Variants in NEDD9 observed in about 807,000 individuals in gnomAD.
NEDD9 encodes the protein neural precursor cell expressed, developmentally down-regulated 9, also known as enhancer of filamentation 1.
In NEDD9, 26 loss-of-function variants were observed where a neutral mutation model predicts 76.6. The observed-to-expected ratio is 0.34, with a 90% CI of 0.25 to 0.47. The LOEUF (loss-of-function observed/expected upper bound fraction) is 0.47, where lower values mean the gene tolerates loss of function less well. Ranked by LOEUF, NEDD9 falls within the 20% of genes least tolerant of loss-of-function variation. NEDD9 has a pLI of 1.00. For synonymous variants in NEDD9, 392 were observed against 414.2 expected (o/e 0.95, Z 0.65); for missense variants, 937 against 1,058.5 (o/e 0.89, Z 1.59).
upstream of NEDD9, chr6:11,233,313 G>C (rs1318604540): frequency 1.9e-6 from 1 of 518,912 alleles, no homozygotes; most frequent in Non-Finnish European, 3.8e-6. Context: ...TCTAGCACAC[G>C]CACCAGCGTT....
At chr6:11,356,021 G>A (rs942286769) in intron 1 of NEDD9, among the ~76,000 whole-genome samples, 1 of 152,156 alleles carries the variant, frequency 6.6e-6, no homozygotes, top group African/African-American at 2.4e-5. Flanking sequence ...ATGCCCGGCC[G>A]AGAGCTCTAG....
At chr6:11,223,075 C>T (rs967076765) in intron 1 of NEDD9, among the ~76,000 whole-genome samples, 24 of 152,056 alleles carry the variant, frequency 1.6e-4, no homozygotes, top group Admixed American at 1.3e-4. Context: ...GGTAGAGTGG[C>T]CAGGGATGTT....
In NEDD9 at chr6:11,292,240, C is replaced by T. The variant is rs75007548; in HGVS notation, c.12+13752G>A. Among the ~76,000 whole-genome samples the T allele has an allele frequency of 4.4e-3, 674 of 152,262 alleles. 8 individuals carry two copies. The East Asian group carries it at 0.062, about 14-fold the overall frequency. On this transcript the variant is annotated intron_variant, in intron 3 of 3. Transcript: ENST00000397378. The stretch of plus-strand genomic sequence containing the variant: ...GAAGACACTGAAAAACCACATGACC[C>T]GGTGTTAAATCAAGAAAAGCGTCTG...
At chr6:11,227,711 C>G (rs1489663232) in intron 1 of NEDD9, among the ~76,000 whole-genome samples, 1 of 152,126 alleles carries the variant, frequency 6.6e-6, no homozygotes, top group Non-Finnish European at 1.5e-5. Flanking sequence ...CTAAACAGGC[C>G]CAGTAGGCAA....
intron 3 of NEDD9, among the ~76,000 whole-genome samples, chr6:11,256,540 G>C (rs1760008114): frequency 6.6e-6 from 1 of 152,242 alleles, no homozygotes; most frequent in South Asian, 2.1e-4. Context: ...ACCCAGGCTA[G>C]AGTGTGGACC....
rs1236143422 is a variant in NEDD9 at position 11,302,967 on chromosome 6, G to A, written c.12+3025C>T. ...TTGAAAACCGGCACAAGACAGGGAT[G>A]CCCTCTCTCACCACTCCTATTCAAC... is the stretch of plus-strand genomic sequence containing the variant. On this transcript the variant is annotated intron_variant, in intron 3 of 3. Coordinates refer to the NEDD9 transcript ENST00000397378. Among the ~76,000 whole-genome samples, 8 of 152,294 alleles carry A rather than the reference G, an allele frequency of 5.3e-5. No individual in the cohort carries two copies. In the South Asian group the frequency reaches 1.7e-3, roughly 32 times the overall value.
chr6:11,366,481 G>C (rs1762773802), intron 1 of NEDD9, among the ~76,000 whole-genome samples: 1 of 152,036 alleles, frequency 6.6e-6, no homozygotes, highest in Admixed American at 6.5e-5. Flanking sequence ...AAAGAAGAAA[G>C]AAAAGGGATT....
At chr6:11,278,789 A>T (rs1040351179) in intron 3 of NEDD9, among the ~76,000 whole-genome samples, 8 of 152,316 alleles carry the variant, frequency 5.3e-5, no homozygotes, top group Non-Finnish European at 1.0e-4. Context: ...AGATTTCAGC[A>T]TGCTGCCAAC....
intron 3 of NEDD9, chr6:11,248,925 T>C (rs996175928): frequency 2.6e-5 from 9 of 352,750 alleles, no homozygotes; most frequent in South Asian, 4.4e-5. Context: ...ATCTGATCAT[T>C]GAATAGTGAT....
chr6:11,279,950 G>A (rs1182014031), intron 3 of NEDD9, among the ~76,000 whole-genome samples: 1 of 152,124 alleles, frequency 6.6e-6, no homozygotes, highest in African/African-American at 2.4e-5. Context: ...GGTGGCTCCC[G>A]GGAAAGGTCT....
At chr6:11,323,212 G>A (rs1396191294) in intron 2 of NEDD9, among the ~76,000 whole-genome samples, 1 of 152,224 alleles carries the variant, frequency 6.6e-6, no homozygotes, top group Non-Finnish European at 1.5e-5. Flanking sequence ...TTTCAAGGCT[G>A]ATCTAACTCT....
intron 1 of NEDD9, among the ~76,000 whole-genome samples, chr6:11,231,322 T>C (rs923496872): frequency 6.6e-6 from 1 of 152,234 alleles, no homozygotes; most frequent in African/African-American, 2.4e-5. Context: ...ATAAAGACTT[T>C]TGACATTTAG....
chr6:11,278,311 A>G (rs893668602), intron 3 of NEDD9, among the ~76,000 whole-genome samples: 8 of 152,058 alleles, frequency 5.3e-5, no homozygotes, highest in African/African-American at 1.7e-4. Flanking sequence ...GAGTGTTGTG[A>G]CGTGCCAGAC....
chr6:11,236,052 T>TTTA (rs1759592834), upstream of NEDD9, among the ~76,000 whole-genome samples: 1 of 152,250 alleles, frequency 6.6e-6, no homozygotes, highest in Non-Finnish European at 1.5e-5. The surrounding 1 kb of genome is among the most constrained non-coding windows in gnomAD (Gnocchi z 5.5). Context: ...TCATTTAGTA[T>TTTA]GTTGCCCTTA....
chr6:11,200,549 T>C, intron 2 of NEDD9: 2 of 1,092,424 alleles, frequency 1.8e-6, no homozygotes, highest in South Asian at 5.0e-5. Flanking sequence ...TATGTCTTAG[T>C]AATCACAGAT....
In NEDD9 at chr6:11,250,834, T is replaced by C. The variant is rs1369598629; in HGVS notation, c.13-37107A>G. 3.3e-5 allele frequency among the ~76,000 whole-genome samples: 5 copies of C among 152,216 alleles called. No homozygotes were observed. In the East Asian group the frequency reaches 7.7e-4, roughly 23 times the overall value. ...TTAACAAGGTCCCAGGCTGAACCACTGATTAACAACATTAAAATGATTCTT... is the reference window on the plus strand; with the variant it reads ...TTAACAAGGTCCCAGGCTGAACCACCGATTAACAACATTAAAATGATTCTT... On this transcript the variant is annotated intron_variant, in intron 3 of 3. Transcript: ENST00000397378.
intron 1 of NEDD9, among the ~76,000 whole-genome samples, chr6:11,367,082 G>A (rs1163432642): frequency 5.8e-5 from 6 of 104,050 alleles, no homozygotes; most frequent in Non-Finnish European, 1.1e-4. Context: ...GAGGAGAACC[G>A]TATAAAGCTC....
chr6:11,273,032 G>A (rs777174817), intron 3 of NEDD9, among the ~76,000 whole-genome samples: 1 of 151,930 alleles, frequency 6.6e-6, no homozygotes, highest in Non-Finnish European at 1.5e-5. Context: ...GAATATATCC[G>A]TCACATAGCT....
At chr6:11,342,594 T>C (rs1400903185) in intron 1 of NEDD9, among the ~76,000 whole-genome samples, 1 of 152,170 alleles carries the variant, frequency 6.6e-6, no homozygotes, top group Non-Finnish European at 1.5e-5. Context: ...AAATTGAAGG[T>C]GAAATGAAGA....
Sources: allele counts gnomAD v4.1 joint callset (sites outside exome capture counted in the v4.1 genomes callset), GRCh38; gene constraint gnomAD v4.1.1; non-coding constraint Gnocchi (gnomAD v3.1); transcripts MANE v1.5; gene names NCBI Gene and HGNC (gene_info 2026-07-23, HGNC 2026-07-21).